Variants in SPOCK3 observed in about 807,000 individuals in gnomAD.
SPOCK3 encodes the protein SPARC (osteonectin), cwcv and kazal like domains proteoglycan 3.
SPOCK3 carries 30 observed loss-of-function variants against 56.6 expected under a neutral mutation model. The observed-to-expected ratio is 0.53, with a 90% CI of 0.40 to 0.72. SPOCK3 has a LOEUF of 0.72. Ranked by LOEUF, SPOCK3 falls within the 30% of genes least tolerant of loss-of-function variation. The probability of loss-of-function intolerance (pLI) is 0.00; values close to 1 mark genes in which losing one functional copy is unlikely to be tolerated. For synonymous variants in SPOCK3, 196 were observed against 183.3 expected (o/e 1.07, Z -0.56); for missense variants, 527 against 530.0 (o/e 0.99, Z 0.06).
chr4:167,134,229 C>T (rs936591352), intron 2 of SPOCK3, among the ~76,000 whole-genome samples: 2 of 151,312 alleles, frequency 1.3e-5, no homozygotes, highest in African/African-American at 2.4e-5. Flanking sequence ...GATAGGGTTT[C>T]GCCATTTTGG....
intron 4 of SPOCK3, among the ~76,000 whole-genome samples, chr4:166,990,170 T>C (rs1747616609): frequency 1.3e-5 from 2 of 152,174 alleles, no homozygotes; most frequent in Admixed American, 1.3e-4. Context: ...AGGAACATCA[T>C]CCTTTGTTCT....
At chr4:167,040,884 C>T (rs968907080) in intron 3 of SPOCK3, among the ~76,000 whole-genome samples, 4 of 152,032 alleles carry the variant, frequency 2.6e-5, no homozygotes, top group Non-Finnish European at 5.9e-5. Flanking sequence ...AAATTAAAAA[C>T]CCAACAGGTT....
intron 3 of SPOCK3, among the ~76,000 whole-genome samples, chr4:167,022,548 C>T (rs1219563970): frequency 6.6e-6 from 1 of 152,026 alleles, no homozygotes; most frequent in Non-Finnish European, 1.5e-5. Flanking sequence ...TACCACTTTT[C>T]CCTCAACCCA....
At chr4:166,880,984 C>T (rs1733624265) in intron 6 of SPOCK3, among the ~76,000 whole-genome samples, 1 of 152,022 alleles carries the variant, frequency 6.6e-6, no homozygotes, top group Non-Finnish European at 1.5e-5. Flanking sequence ...TATATTACAT[C>T]TTTGTTATAT....
chr4:167,129,636 T>C (rs2150378887), intron 2 of SPOCK3, among the ~76,000 whole-genome samples: 1 of 152,298 alleles, frequency 6.6e-6, no homozygotes. Context: ...TTTTTAAAAA[T>C]ATTATAGTTA....
At chr4:167,111,098 T>A (rs2150347136) in intron 2 of SPOCK3, among the ~76,000 whole-genome samples, 1 of 152,096 alleles carries the variant, frequency 6.6e-6, no homozygotes, top group African/African-American at 2.4e-5. Flanking sequence ...TTTTTTGAAA[T>A]AAATGACATA....
Position 166,896,295 on chromosome 4 carries a change from A to T in SPOCK3, c.475-7051T>A, listed in dbSNP as rs186903024. ...TCACATCAAGAAGAGACAGAGCAAG[A>T]TCGGCTTCAGTGTGTTTGTGCCCTG... On this transcript the variant is annotated intron_variant, in intron 5 of 10. Coordinates refer to ENST00000357545, the MANE Select transcript of SPOCK3 (RefSeq NM_001040159.2). Among the ~76,000 whole-genome samples the T allele has an allele frequency of 2.8e-4, 43 of 152,186 alleles. No individual in the cohort carries two copies. The East Asian group carries it at 6.2e-3, about 22-fold the overall frequency.
At chr4:166,893,333 T>A (rs1579560967) in intron 5 of SPOCK3, among the ~76,000 whole-genome samples, 1 of 152,220 alleles carries the variant, frequency 6.6e-6, no homozygotes, top group African/African-American at 2.4e-5. Flanking sequence ...CCATATAAAA[T>A]AACAATTCTA....
chr4:167,210,895 T>C (rs1445161909), intron 2 of SPOCK3, among the ~76,000 whole-genome samples: 2 of 152,206 alleles, frequency 1.3e-5, no homozygotes, highest in Non-Finnish European at 2.9e-5. Flanking sequence ...ATTTCAGTTA[T>C]TGCATAGACA....
chr4:167,127,208 T>A (rs1762351851), intron 2 of SPOCK3, among the ~76,000 whole-genome samples: 1 of 152,156 alleles, frequency 6.6e-6, no homozygotes, highest in African/African-American at 2.4e-5. Flanking sequence ...TATTAGTACT[T>A]TATTTTGCCT....
intron 6 of SPOCK3, among the ~76,000 whole-genome samples, chr4:166,814,484 A>T (rs181997555): frequency 6.6e-6 from 1 of 152,190 alleles, no homozygotes; most frequent in African/African-American, 2.4e-5. Context: ...TGCTAGAACA[A>T]AGCAGGTAGG....
At chr4:166,754,906 T>C (rs1457565389) in intron 7 of SPOCK3, among the ~76,000 whole-genome samples, 177 bp from the exon 8 acceptor site, 5 of 152,124 alleles carry the variant, frequency 3.3e-5, no homozygotes, top group African/African-American at 4.8e-5. Context: ...TAGTAGTATC[T>C]ACATTTCAGG....
intron 9 of SPOCK3, among the ~76,000 whole-genome samples, chr4:166,741,575 A>G (rs1357376779): frequency 1.3e-5 from 2 of 152,168 alleles, no homozygotes; most frequent in Non-Finnish European, 2.9e-5. Context: ...AATGAAAAAT[A>G]CCAACAAGTC....
At chr4:166,992,042 C>T (rs1212536747) in intron 4 of SPOCK3, among the ~76,000 whole-genome samples, 2 of 152,160 alleles carry the variant, frequency 1.3e-5, no homozygotes, top group South Asian at 4.1e-4. Context: ...GGTTTCTTTA[C>T]AGCCATTCAA....
At chr4:167,058,270 T>C (rs1349163237) in intron 3 of SPOCK3, among the ~76,000 whole-genome samples, 1 of 152,074 alleles carries the variant, frequency 6.6e-6, no homozygotes, top group African/African-American at 2.4e-5. Flanking sequence ...CAGCTGAAAA[T>C]CTCCTTAAGC....
chr4:166,923,255 T>C (rs1444313351), intron 4 of SPOCK3, among the ~76,000 whole-genome samples: 1 of 152,228 alleles, frequency 6.6e-6, no homozygotes, highest in Non-Finnish European at 1.5e-5. Context: ...TACATGTGAT[T>C]ACATTTAGGT....
chr4:167,231,426 T>C (rs978693968), intron 2 of SPOCK3, among the ~76,000 whole-genome samples: 13 of 152,092 alleles, frequency 8.5e-5, no homozygotes, highest in Non-Finnish European at 1.6e-4. Context: ...ACAAAAGTAC[T>C]TCAGTTAAAT....
chr4:166,830,968 A>C (rs919083088), intron 6 of SPOCK3, among the ~76,000 whole-genome samples: 2 of 152,080 alleles, frequency 1.3e-5, no homozygotes, highest in Non-Finnish European at 1.5e-5. Flanking sequence ...TGAGCCCTCC[A>C]GCACTTTTTT....
chr4:167,157,444 T>G lies in SPOCK3; in HGVS notation c.189+76541A>C, dbSNP rs62353581. On this transcript the variant is annotated intron_variant, in intron 2 of 10. Transcript: ENST00000357545. ...ACTATTAGAAATTTTCTTGACCAAC[T>G]ATATATAAAATTTTTAAATCTAAAT... 6.4e-3 allele frequency among the ~76,000 whole-genome samples: 969 copies of G among 152,066 alleles called. 4 individuals are homozygous for G. Among genetic ancestry groups the G allele is most frequent in the Non-Finnish European group, 0.012 (788 of 67,920 alleles).
Sources: gnomAD v4.1 joint callset for allele counts (sites outside exome capture counted in the v4.1 genomes callset) on GRCh38, gnomAD v4.1.1 for gene constraint, MANE v1.5 for transcripts, NCBI Gene and HGNC (gene_info 2026-07-23, HGNC 2026-07-21) for gene names.